The following PCDHA9 variants were observed in gnomAD, a reference collection of about 807,000 sequenced individuals.
The protein encoded by PCDHA9 is protocadherin alpha 9.
Under a neutral mutation model 62.0 loss-of-function variants are expected in PCDHA9, and 62 were observed. The observed-to-expected ratio is 1.00, with a 90% CI of 0.81 to 1.23. The LOEUF (loss-of-function observed/expected upper bound fraction) is 1.23, where lower values mean the gene tolerates loss of function less well. Ranked by LOEUF, PCDHA9 falls within the 50% of genes most tolerant of loss-of-function variation. The pLI, the probability that PCDHA9 is intolerant of heterozygous loss-of-function variation, is 0.00. For synonymous variants in PCDHA9, 557 were observed against 567.6 expected (o/e 0.98, Z 0.27); for missense variants, 1,205 against 1,249.8 (o/e 0.96, Z 0.54).
intron 1 of PCDHA9, among the ~76,000 whole-genome samples, chr5:140,977,004 A>C (rs1554238156): frequency 6.6e-6 from 1 of 152,222 alleles, no homozygotes; most frequent in East Asian, 1.9e-4. Flanking sequence ...GAAATCTTGT[A>C]ACTGTGATTC....
At chr5:140,919,217 G>T (rs1427737864) in intron 1 of PCDHA9, among the ~76,000 whole-genome samples, 1 of 152,090 alleles carries the variant, frequency 6.6e-6, no homozygotes, top group Non-Finnish European at 1.5e-5. Context: ...TGTCCTTCTT[G>T]ATTTCTAGTA....
intron 3 of PCDHA9, among the ~76,000 whole-genome samples, chr5:140,997,598 TG>T (rs1182118908): frequency 6.6e-5 from 10 of 152,124 alleles, no homozygotes; most frequent in Admixed American, 2.0e-4. Context: ...AACATGATTA[TG>T]GGGCGCATGA....
At chr5:140,899,201 G>T (rs1400966236) in intron 1 of PCDHA9, among the ~76,000 whole-genome samples, 5 of 151,818 alleles carry the variant, frequency 3.3e-5, no homozygotes, top group Admixed American at 6.6e-5. Context: ...CTGCCTAATT[G>T]CCCTGGCCAG....
intron 1 of PCDHA9, chr5:140,869,370 G>A: frequency 6.2e-7 from 1 of 1,614,138 alleles, no homozygotes; most frequent in South Asian, 1.1e-5. Flanking sequence ...TGAATTCTCG[G>A]ATCGACCGCG....
At position 140,926,615 on chromosome 5, in the gene PCDHA9, C is replaced by G. The variant is rs540135252; in HGVS notation, c.2395-52334C>G. On this transcript the variant is annotated intron_variant, in intron 1 of 3. Coordinates refer to ENST00000532602, the MANE Select transcript of PCDHA9 (RefSeq NM_031857.2). ...GGCGGGCGGCCTCGTCTCTGCACCC[C>G]TAGGCGGCGCTGCGCTCCTCAACAC... 1,855 of 379,286 alleles carry G rather than the reference C, an allele frequency of 4.9e-3. 8 individuals are homozygous for G. Among genetic ancestry groups the G allele is most frequent in the African/African-American group, 0.019 (896 of 47,466 alleles). The allele number at this position is 379,286 out of a possible 1,614,324, so 23.5% of individuals were successfully genotyped here. A position where few individuals can be genotyped will look rare whatever the true frequency, so the allele number is the denominator to read the frequency against.
rs782439866 is a variant in PCDHA9, at chr5:140,871,196, A to G, written c.2394+20307A>G. ...GCTGCGCTGGTGGATGTCAACGTGT[A>G]CCTGATCATCGCCATCTGCGTGGTG... On this transcript the variant is annotated intron_variant, in intron 1 of 3. Coordinates refer to ENST00000532602, the MANE Select transcript of PCDHA9 (RefSeq NM_031857.2). 19 of 1,613,546 alleles carry G rather than the reference A, an allele frequency of 1.2e-5. No homozygotes were observed. Among genetic ancestry groups the G allele is most frequent in the Non-Finnish European group, 1.6e-5 (19 of 1,179,946 alleles).
intron 1 of PCDHA9, chr5:140,853,845 T>C (rs2150303295): frequency 1.0e-6 from 1 of 986,388 alleles, no homozygotes. Context: ...TTTAGATCCA[T>C]AGCCCTATTT....
At chr5:140,890,784 T>C (rs2062805881) in intron 1 of PCDHA9, among the ~76,000 whole-genome samples, 1 of 152,212 alleles carries the variant, frequency 6.6e-6, no homozygotes, top group South Asian at 2.1e-4. Flanking sequence ...CCATAAGATA[T>C]TAGTATTATT....
At chr5:140,922,856 T>C (rs2081036799) in intron 1 of PCDHA9, among the ~76,000 whole-genome samples, 1 of 152,072 alleles carries the variant, frequency 6.6e-6, no homozygotes, top group Non-Finnish European at 1.5e-5. Context: ...ACCAAATACA[T>C]AGACAAGGGG....
chr5:140,884,529 G>C lies in PCDHA9; in HGVS notation c.2394+33640G>C. On this transcript the variant is annotated intron_variant, in intron 1 of 3. Transcript: ENST00000532602. Reference sequence around the variant, plus strand: ...GGGAGTTGGTCGTACTCGCAGCAGAGGCGGCCGAGGGTGTGCTCTGGGGAG... The same window carrying C: ...GGGAGTTGGTCGTACTCGCAGCAGACGCGGCCGAGGGTGTGCTCTGGGGAG... 2.5e-6 allele frequency: 4 copies of C among 1,614,068 alleles called. No individual in the cohort carries two copies. Among genetic ancestry groups the C allele is most frequent in the Non-Finnish European group, 3.4e-6 (4 of 1,179,986 alleles).
At chr5:140,884,794 A>G in intron 1 of PCDHA9, 1 of 1,280,100 alleles carries the variant, frequency 7.8e-7, no homozygotes, top group East Asian at 2.6e-5. Flanking sequence ...TTGTTATCGA[A>G]TTTAACAACT....
intron 1 of PCDHA9, chr5:140,968,408 A>G: frequency 6.2e-7 from 1 of 1,613,980 alleles, no homozygotes; most frequent in Non-Finnish European, 8.5e-7. Flanking sequence ...GTTCTTTGTG[A>G]CTGTGGAGGC....
intron 1 of PCDHA9, among the ~76,000 whole-genome samples, chr5:140,971,214 C>T (rs1285730991): frequency 6.6e-6 from 1 of 152,172 alleles, no homozygotes; most frequent in African/African-American, 2.4e-5. Flanking sequence ...GTTACCCTCC[C>T]TCTCCTGACT....
intron 1 of PCDHA9, among the ~76,000 whole-genome samples, chr5:140,893,338 T>A (rs1409461265): frequency 1.3e-5 from 2 of 152,174 alleles, no homozygotes; most frequent in Non-Finnish European, 2.9e-5. Flanking sequence ...TTTTCCTTAG[T>A]GGCAGTGCTA....
intron 1 of PCDHA9, chr5:140,856,159 G>A (rs1554148275): frequency 6.3e-7 from 1 of 1,598,348 alleles, no homozygotes; most frequent in Non-Finnish European, 8.6e-7. Context: ...TCTACGAGGA[G>A]GCCAGACACG....
intron 3 of PCDHA9, among the ~76,000 whole-genome samples, chr5:140,994,912 A>G (rs2097655532): frequency 6.6e-6 from 1 of 152,222 alleles, no homozygotes; most frequent in Admixed American, 6.5e-5. Flanking sequence ...GTAGACTGGA[A>G]TCAGATTTTG....
In PCDHA9 at chr5:141,011,003, C is replaced by T. The variant is rs748731648; in HGVS notation, c.*1066C>T. ...ATTGCCTGAAACATCTGTATTATAT[C>T]GGCCACCTGCCAATCACAGCTTTAC... On this transcript the variant is annotated 3_prime_UTR_variant, in exon 4 of 4. Coordinates refer to ENST00000532602, the MANE Select transcript of PCDHA9 (RefSeq NM_031857.2). 1 of 153,706 alleles carries T rather than the reference C, an allele frequency of 6.5e-6. No individual in the cohort carries two copies. The highest frequency in any genetic ancestry group is 2.1e-4 in the South Asian group (1 of 4,816). 9.5% of individuals were successfully genotyped at this position (153,706 alleles called of 1,614,324 possible).
chr5:140,891,055 G>A (rs2062932146), intron 1 of PCDHA9, among the ~76,000 whole-genome samples: 1 of 152,142 alleles, frequency 6.6e-6, no homozygotes, highest in Admixed American at 6.5e-5. Context: ...ACAGCACATA[G>A]TAAATATTAT....
At chr5:140,973,972 G>A (rs1467007704) in intron 1 of PCDHA9, among the ~76,000 whole-genome samples, 1 of 152,186 alleles carries the variant, frequency 6.6e-6, no homozygotes, top group Non-Finnish European at 1.5e-5. Flanking sequence ...TTTAAATGTG[G>A]CTTTTACAGA....
Sources: allele counts gnomAD v4.1 joint callset (sites outside exome capture counted in the v4.1 genomes callset), GRCh38; gene constraint gnomAD v4.1.1; transcripts MANE v1.5; gene names NCBI Gene and HGNC (gene_info 2026-07-23, HGNC 2026-07-21).